Variants in VEPH1 observed in about 807,000 individuals in gnomAD.
The protein encoded by VEPH1 is ventricular zone-expressed PH domain-containing protein homolog 1.
A neutral mutation model predicts 85.2 loss-of-function variants in VEPH1; 80 were observed. The ratio of observed to expected loss-of-function variants is 0.94; its 90% CI spans 0.78 to 1.13. The LOEUF is 1.13. Ranked by LOEUF, VEPH1 falls within the 50% of genes most tolerant of loss-of-function variation. VEPH1 has a pLI of 0.00. For synonymous variants in VEPH1, 297 were observed against 348.0 expected (o/e 0.85, Z 1.63); for missense variants, 955 against 980.5 (o/e 0.97, Z 0.35).
intron 4 of VEPH1, among the ~76,000 whole-genome samples, chr3:157,446,497 G>A (rs1042918209): frequency 3.9e-5 from 6 of 152,144 alleles, no homozygotes; most frequent in Non-Finnish European, 7.4e-5. Context: ...ATATAGTGTA[G>A]AATTGTAGAG....
chr3:157,465,673 A>C (rs975322524), intron 3 of VEPH1, among the ~76,000 whole-genome samples: 1 of 152,236 alleles, frequency 6.6e-6, no homozygotes, highest in Admixed American at 6.5e-5. Flanking sequence ...CAACACTAGC[A>C]AGGGCAGAGT....
chr3:157,453,852 GC>G (rs35959765), intron 4 of VEPH1, among the ~76,000 whole-genome samples: 1 of 152,114 alleles, frequency 6.6e-6, no homozygotes, highest in Non-Finnish European at 1.5e-5. Flanking sequence ...GAGATATGTA[GC>G]CCCAACCTTT....
intron 3 of VEPH1, among the ~76,000 whole-genome samples, chr3:157,469,327 AAAAGGAAGAAGAAT>A (rs1408092830): frequency 2.0e-5 from 3 of 152,222 alleles, no homozygotes; most frequent in Admixed American, 6.5e-5. Context: ...CTGTGGGAAA[AAAAGGAAGAAGAAT>A]AAAGGACGCT....
intron 12 of VEPH1, among the ~76,000 whole-genome samples, chr3:157,275,895 A>G (rs1276042577): frequency 5.9e-5 from 9 of 152,148 alleles, no homozygotes; most frequent in Non-Finnish European, 1.3e-4. Flanking sequence ...AAAGCAAACT[A>G]TAATTCCAGA....
At chr3:157,268,259 C>A (rs972795572) in intron 12 of VEPH1, among the ~76,000 whole-genome samples, 1 of 152,082 alleles carries the variant, frequency 6.6e-6, no homozygotes, top group African/African-American at 2.4e-5. Context: ...TCCTTGAGAT[C>A]AGGAACAGCC....
At chr3:157,336,682 C>T (rs1174801589) in intron 9 of VEPH1, among the ~76,000 whole-genome samples, 4 of 152,122 alleles carry the variant, frequency 2.6e-5, no homozygotes, top group African/African-American at 9.7e-5. Flanking sequence ...GATCAGAAAC[C>T]CCTACACTCC....
rs1184339454 is a variant in VEPH1 at position 157,317,136 on chromosome 3, A to G, written c.1801T>C (p.Tyr601His). 6.2e-7 allele frequency: 1 copy of G among 1,613,658 alleles called. No homozygotes were observed. ...ATGAGAATAAAACTGGACTTACTGTATAGGCAGTAATGACCCTTCAGGGAG... is the reference window on the plus strand; with the variant it reads ...ATGAGAATAAAACTGGACTTACTGTGTAGGCAGTAATGACCCTTCAGGGAG... ...TCSLKGHYCL[Y>H]SKSSFILISQ... is the part of the protein sequence containing the mutation. Residue 601 changes from tyrosine (Y) to histidine (H), a missense_variant, in exon 10 of 14, where the codon TAC (tyrosine) becomes CAC (histidine). By Grantham distance (83) the Tyr-to-His change is moderately conservative. Transcript: ENST00000362010.
In VEPH1 at chr3:157,441,942, G is replaced by A. The variant is rs968135316; in HGVS notation, c.530-13454C>T. Among the ~76,000 whole-genome samples the A allele has an allele frequency of 3.0e-4, 45 of 152,148 alleles. 1 individual carries two copies. The highest frequency in any genetic ancestry group is 5.7e-4 in the Non-Finnish European group (39 of 68,044). On this transcript the variant is annotated intron_variant, in intron 4 of 13. Coordinates refer to ENST00000362010, the MANE Select transcript of VEPH1 (RefSeq NM_001167912.2). ...ACAGGTTTATTATTTTAGGAACTTG[G>A]TGGTGGCAAAAAGAGAGAACCAGGT...
chr3:157,449,872 A>G (rs193279911), intron 4 of VEPH1, among the ~76,000 whole-genome samples: 91 of 151,926 alleles, frequency 6.0e-4, no homozygotes, highest in African/African-American at 2.1e-3. Flanking sequence ...CTCAAAAGCT[A>G]CATTTCCTGT....
At chr3:157,351,853 G>A (rs9834293) in intron 9 of VEPH1, among the ~76,000 whole-genome samples, 3,372 of 152,184 alleles carry the variant, frequency 0.022, 55 homozygotes, top group Non-Finnish European at 0.035. Flanking sequence ...GCTGACCTGC[G>A]CATTGTAGTA....
intron 12 of VEPH1, among the ~76,000 whole-genome samples, chr3:157,279,124 C>G (rs965244207): frequency 6.6e-6 from 1 of 152,030 alleles, no homozygotes; most frequent in African/African-American, 2.4e-5. Context: ...AGGCCAGGAC[C>G]GCATATATAG....
chr3:157,405,534 G>A (rs1002117070), intron 6 of VEPH1, among the ~76,000 whole-genome samples: 4 of 152,044 alleles, frequency 2.6e-5, no homozygotes, highest in Non-Finnish European at 5.9e-5. Context: ...CTGTCCAGCC[G>A]CATCTCTCCC....
At chr3:157,444,394 T>C (rs1734382986) in intron 4 of VEPH1, among the ~76,000 whole-genome samples, 1 of 152,242 alleles carries the variant, frequency 6.6e-6, no homozygotes. Context: ...TAAAATTCCA[T>C]GAATCTAATA....
At chr3:157,449,211 C>T (rs1734770733) in intron 4 of VEPH1, among the ~76,000 whole-genome samples, 1 of 152,112 alleles carries the variant, frequency 6.6e-6, no homozygotes, top group Non-Finnish European at 1.5e-5. Context: ...TAATATTTCC[C>T]TAATAAGTAT....
chr3:157,421,932 G>A (rs889820719), intron 5 of VEPH1, among the ~76,000 whole-genome samples: 1 of 152,068 alleles, frequency 6.6e-6, no homozygotes, highest in African/African-American at 2.4e-5. Flanking sequence ...TCCACACTCA[G>A]CACCCACAAT....
intron 4 of VEPH1, 134 bp downstream of exon 4, chr3:157,460,047 A>G: frequency 1.3e-6 from 2 of 1,587,316 alleles, no homozygotes; most frequent in Non-Finnish European, 1.7e-6. Context: ...TCACAGGTCA[A>G]CTGGCAGCAA....
chr3:157,416,831 GAAAT>G (rs1168495668), intron 5 of VEPH1, among the ~76,000 whole-genome samples: 1 of 149,614 alleles, frequency 6.7e-6, no homozygotes, highest in African/African-American at 2.5e-5. Flanking sequence ...AGGAAAGAAA[GAAAT>G]AAAGAAAGAA....
chr3:157,464,852 G>A (rs1290449976), intron 3 of VEPH1, among the ~76,000 whole-genome samples: 2 of 152,170 alleles, frequency 1.3e-5, no homozygotes, highest in African/African-American at 2.4e-5. Flanking sequence ...TTAAGCTCAA[G>A]AAATATTAAA....
intron 5 of VEPH1, among the ~76,000 whole-genome samples, chr3:157,415,849 C>A (rs935305528): frequency 6.6e-6 from 1 of 152,088 alleles, no homozygotes; most frequent in Non-Finnish European, 1.5e-5. Flanking sequence ...GCTTGAGTAG[C>A]TCCTGATCAT....
Sources: allele counts gnomAD v4.1 joint callset (sites outside exome capture counted in the v4.1 genomes callset), GRCh38; gene constraint gnomAD v4.1.1; transcripts MANE v1.5; gene names NCBI Gene and HGNC (gene_info 2026-07-23, HGNC 2026-07-21).